MMD2: variants seen among roughly 807,000 people sequenced by gnomAD.
The protein encoded by MMD2 is monocyte to macrophage differentiation associated 2.
Under a neutral mutation model 33.5 loss-of-function variants are expected in MMD2, and 30 were observed. The ratio of observed to expected loss-of-function variants is 0.90; its 90% CI spans 0.67 to 1.22. The LOEUF (loss-of-function observed/expected upper bound fraction) is 1.22. Ranked by LOEUF, MMD2 falls within the 50% of genes most tolerant of loss-of-function variation. MMD2 has a pLI of 0.00. For missense variants in MMD2, 364 were observed against 325.4 expected, an observed-to-expected ratio of 1.12 and a Z score of -0.91; for synonymous variants, 129 against 123.0, an observed-to-expected ratio of 1.05 and a Z score of -0.32.
chr7:4,922,579 T>C (rs1478317249), intron 2 of MMD2, among the ~76,000 whole-genome samples: 4 of 152,134 alleles, frequency 2.6e-5, no homozygotes, highest in African/African-American at 7.2e-5. Context: ...AAAATATATA[T>C]ACATTTTTTT....
chr7:4,916,131 C>A (rs1004223299), intron 3 of MMD2, 52 bp from the exon 4 acceptor site: 12 of 1,544,624 alleles, frequency 7.8e-6, no homozygotes, highest in Non-Finnish European at 1.1e-5. Flanking sequence ...CAGGGAAGGG[C>A]CAGTGCCCCC....
chr7:4,909,633 G>A (rs1380023730), intron 6 of MMD2: 11 of 678,266 alleles, frequency 1.6e-5, no homozygotes, highest in Admixed American at 4.3e-5. Flanking sequence ...GATGGGTCTT[G>A]CTATGTTGCC....
chr7:4,912,686 T>C (rs763717366), intron 4 of MMD2, among the ~76,000 whole-genome samples: 9 of 151,874 alleles, frequency 5.9e-5, no homozygotes, highest in Non-Finnish European at 1.3e-4. Flanking sequence ...GTCCTTTAAG[T>C]TTTTTCTGGA....
chr7:4,908,896 C>CAAA (rs765437583), intron 6 of MMD2, among the ~76,000 whole-genome samples: 7 of 75,676 alleles, frequency 9.2e-5, no homozygotes, highest in African/African-American at 2.7e-4. Context: ...GACTCCATCT[C>CAAA]AAAAAAAAAA....
chr7:4,931,353 A>G lies in MMD2; in HGVS notation c.48-5821T>C, dbSNP rs576341125. 6.6e-5 allele frequency among the ~76,000 whole-genome samples: 10 copies of G among 151,302 alleles called. No individual in the cohort carries two copies. In the South Asian group the frequency reaches 1.9e-3, roughly 29 times the overall value. On this transcript the variant is annotated intron_variant, in intron 1 of 6. Transcript: ENST00000401401. ...ATTTTTGTAGAAGTGAGGTCTCACT[A>G]TGTTGTCCAGGCTGGTCTCAAACTC...
rs778116678 is a variant in MMD2 at position 4,925,473 on chromosome 7, G to C, written c.107C>G (p.Ala36Gly). The change falls in exon 2 of 7, where the codon GCG becomes GGG. Residue 36 changes from alanine (A) to glycine (G), a missense_variant. Coordinates refer to ENST00000401401, the MANE Select transcript of MMD2 (RefSeq NM_198403.4). ...CACAGCATGGGTGGCACAGTTGGCCGCATGTTCATACTCTGTGGGCTGGTA... is the reference window on the plus strand; with the variant it reads ...CACAGCATGGGTGGCACAGTTGGCCCCATGTTCATACTCTGTGGGCTGGTA... Reference protein sequence around the residue: ...KRYQPTEYEHAANCATHAFWI... With the variant: ...KRYQPTEYEHGANCATHAFWI... 1 of 1,564,120 alleles carries C rather than the reference G, an allele frequency of 6.4e-7. No homozygotes were observed. Among genetic ancestry groups the C allele is most frequent in the Non-Finnish European group, 8.7e-7 (1 of 1,151,894 alleles).
At chr7:4,955,985 G>A (rs1056136889) in intron 1 of MMD2, among the ~76,000 whole-genome samples, 5 of 151,984 alleles carry the variant, frequency 3.3e-5, no homozygotes, top group South Asian at 4.2e-4. Flanking sequence ...CCTGGGAGGC[G>A]GAGGTTGCAG....
At chr7:4,942,677 A>G (rs955783691) in intron 1 of MMD2, among the ~76,000 whole-genome samples, 1 of 150,808 alleles carries the variant, frequency 6.6e-6, no homozygotes, top group Non-Finnish European at 1.5e-5. Context: ...CGATGGTGCT[A>G]TCTCGGCTCA....
chr7:4,916,084 G>T lies in MMD2; in HGVS notation c.291-5C>A. 1.2e-6 allele frequency: 2 copies of T among 1,613,440 alleles called. No homozygotes were observed. The highest frequency in any genetic ancestry group is 4.5e-5 in the East Asian group (2 of 44,860). On this transcript the variant is annotated splice_polypyrimidine_tract_variant and splice_region_variant and intron_variant, in intron 3 of 6. Coordinates refer to ENST00000401401, the MANE Select transcript of MMD2 (RefSeq NM_198403.4). ...TGTAGACAGTGTTCCACCATCCTAGGGCGGCAGAGAAGCCGGCAGTCACAG... is the reference window on the plus strand; with the variant it reads ...TGTAGACAGTGTTCCACCATCCTAGTGCGGCAGAGAAGCCGGCAGTCACAG...
intron 2 of MMD2, 88 bp downstream of exon 2, chr7:4,925,363 G>T: frequency 1.8e-6 from 2 of 1,089,362 alleles, no homozygotes; most frequent in Non-Finnish European, 2.6e-6. Context: ...AGGCCACTTA[G>T]GACATACGTG....
chr7:4,894,444 T>G, the MMD2 span, among the ~76,000 whole-genome samples: 1 of 152,038 alleles, frequency 6.6e-6, no homozygotes, highest in South Asian at 2.1e-4. The surrounding 1 kb of genome is among the most constrained non-coding windows in gnomAD (Gnocchi z 4.3). Flanking sequence ...AGTAACAGAG[T>G]GGCTTTTAAG....
chr7:4,892,619 T>A, the MMD2 span, among the ~76,000 whole-genome samples: 6 of 150,724 alleles, frequency 4.0e-5, no homozygotes, highest in African/African-American at 1.5e-4. Context: ...AATAAATAAA[T>A]CTGAAAAAAT....
intron 3 of MMD2, among the ~76,000 whole-genome samples, chr7:4,916,310 T>C (rs1248267300): frequency 1.3e-5 from 2 of 148,916 alleles, no homozygotes; most frequent in African/African-American, 4.9e-5. Context: ...ACACCTTGCC[T>C]CGGGGGTCCC....
chr7:4,926,849 A>C (rs1384254726), intron 1 of MMD2, among the ~76,000 whole-genome samples: 1 of 151,558 alleles, frequency 6.6e-6, no homozygotes, highest in Non-Finnish European at 1.5e-5. Flanking sequence ...GGTTCACGCC[A>C]TTCTCCTGCC....
At chr7:4,929,727 G>A (rs1274842186) in intron 1 of MMD2, among the ~76,000 whole-genome samples, 2 of 151,986 alleles carry the variant, frequency 1.3e-5, no homozygotes, top group Non-Finnish European at 1.5e-5. Context: ...TTTTCACTAT[G>A]TTGGCCAGGT....
Position 4,940,506 on chromosome 7 carries a change from C to T in MMD2, c.48-14974G>A, listed in dbSNP as rs543095613. ...AAGGGGGTTCTGTCCGTCTGTCCCA[C>T]AGAGGCAAGGGACCACGCAGGGCCA... On this transcript the variant is annotated intron_variant, in intron 1 of 6. Transcript: ENST00000401401. This position sits in a 1 kb window ranked among gnomAD's most constrained non-coding sequence, Gnocchi z 5.0. 2.1e-4 allele frequency among the ~76,000 whole-genome samples: 32 copies of T among 152,202 alleles called. No homozygotes were observed. The highest frequency in any genetic ancestry group is 3.5e-4 in the Non-Finnish European group (24 of 68,034).
At chr7:4,952,355 T>G (rs1786268200) in intron 1 of MMD2, among the ~76,000 whole-genome samples, 1 of 152,002 alleles carries the variant, frequency 6.6e-6, no homozygotes, top group South Asian at 2.1e-4. Flanking sequence ...GAAGTGGGGG[T>G]TTCCAGGTAA....
At chr7:4,948,015 G>A (rs570828446) in intron 1 of MMD2, among the ~76,000 whole-genome samples, 2 of 151,876 alleles carry the variant, frequency 1.3e-5, no homozygotes, top group African/African-American at 2.4e-5. Flanking sequence ...ACTTTTTAAC[G>A]ACCAGATCTC....
At chr7:4,910,004 C>T (rs770373590) in intron 5 of MMD2, 54 bp from the exon 6 acceptor site, 6 of 1,613,974 alleles carry the variant, frequency 3.7e-6, no homozygotes, top group Non-Finnish European at 5.1e-6. Context: ...CACGAAGAAA[C>T]TGCACACAGC....
Sources: allele counts gnomAD v4.1 joint callset (sites outside exome capture counted in the v4.1 genomes callset), GRCh38; gene constraint gnomAD v4.1.1; non-coding constraint Gnocchi (gnomAD v3.1); transcripts MANE v1.5; gene names NCBI Gene and HGNC (gene_info 2026-07-23, HGNC 2026-07-21).